LAPTM5: variants seen among roughly 807,000 people sequenced by gnomAD.
The protein encoded by LAPTM5 is lysosomal-associated transmembrane protein 5.
Under a neutral mutation model 30.1 loss-of-function variants are expected in LAPTM5, and 11 were observed. The observed-to-expected ratio is 0.37, with a 90% CI of 0.23 to 0.60. LAPTM5 has a LOEUF of 0.60. LAPTM5 is among the 20% of genes least tolerant of loss of function. The probability of loss-of-function intolerance (pLI) is 0.71; values close to 1 mark genes in which losing one functional copy is unlikely to be tolerated. For synonymous variants in LAPTM5, 151 were observed against 137.9 expected (o/e 1.10, Z -0.67); for missense variants, 324 against 332.5 (o/e 0.97, Z 0.20).
At position 30,742,608 on chromosome 1, in the gene LAPTM5, C is replaced by T. The variant is rs917097532; in HGVS notation, c.88-59G>A. On this transcript the variant is annotated intron_variant, in intron 1 of 7. Coordinates refer to ENST00000294507, the MANE Select transcript of LAPTM5 (RefSeq NM_006762.3). ...CTGCATCACGGCCCCCCGACCAGCC[C>T]CTCCCACCTTAGTGGTGTACAGCAG... The T allele has an allele frequency of 1.8e-5, 25 of 1,385,646 alleles. No homozygotes were observed. The East Asian group carries it at 5.4e-4, about 30-fold the overall frequency. 85.8% of individuals were successfully genotyped at this position (1,385,646 alleles called of 1,614,324 possible). A position where few individuals can be genotyped will look rare whatever the true frequency, so the allele number is the denominator to read the frequency against.
chr1:30,750,849 G>A (rs1027657923), intron 1 of LAPTM5, among the ~76,000 whole-genome samples: 3 of 152,232 alleles, frequency 2.0e-5, no homozygotes, highest in African/African-American at 7.2e-5. Context: ...ACTTGACCAG[G>A]GAGGAAATTG....
chr1:30,741,749 G>C, intron 2 of LAPTM5, 33 bp from the exon 3 acceptor site: 1 of 1,531,392 alleles, frequency 6.5e-7, no homozygotes, highest in Middle Eastern at 1.7e-4. Flanking sequence ...AGGTGCTCAG[G>C]GGTGCCCCTG....
chr1:30,743,796 T>TTTTG (rs386366617), intron 1 of LAPTM5, among the ~76,000 whole-genome samples: 1 of 31,830 alleles, frequency 3.1e-5, no homozygotes, highest in African/African-American at 1.8e-4. Context: ...ACTGTGTGGG[T>TTTTG]TTTTTTTTTT....
In LAPTM5 at chr1:30,732,574, C is replaced by A. The variant is rs1481003902; in HGVS notation, c.*1254G>T. ...TTGCAGAGCCTTCTCCCTCTGTACC[C>A]CCCGACAGTCCCCAGAGACCCTGCC... On this transcript the variant is annotated 3_prime_UTR_variant, in exon 8 of 8. Transcript: ENST00000294507. 2.0e-5 allele frequency: 3 copies of A among 151,816 alleles called. No individual in the cohort carries two copies. The highest frequency in any genetic ancestry group is 2.9e-5 in the Non-Finnish European group (2 of 67,942). 9.4% of individuals were successfully genotyped at this position (151,816 alleles called of 1,614,324 possible). A position where few individuals can be genotyped will look rare whatever the true frequency, so the allele number is the denominator to read the frequency against.
intron 5 of LAPTM5, among the ~76,000 whole-genome samples, chr1:30,738,431 G>A (rs1433707263): frequency 6.6e-6 from 1 of 152,144 alleles, no homozygotes. Context: ...GAGCCACCAG[G>A]AGTTCATCCT....
In LAPTM5 at chr1:30,747,524, T is replaced by C. The variant is rs560569555; in HGVS notation, c.88-4975A>G. The stretch of plus-strand genomic sequence containing the variant: ...TTTCACCTCTTCTTCTGCCCATCTT[T>C]GGTTTCAGTTCTTATTCCCGTCTGC... On this transcript the variant is annotated intron_variant, in intron 1 of 7. Coordinates refer to ENST00000294507, the MANE Select transcript of LAPTM5 (RefSeq NM_006762.3). Among the ~76,000 whole-genome samples the C allele has an allele frequency of 1.3e-4, 20 of 152,304 alleles. No homozygotes were observed. In the South Asian group the frequency reaches 4.1e-3, roughly 32 times the overall value.
intron 6 of LAPTM5, 96 bp from the exon 7 acceptor site, chr1:30,735,361 TC>T: frequency 1.0e-6 from 1 of 972,882 alleles, no homozygotes; most frequent in Non-Finnish European, 1.6e-6. Context: ...CACCACTCTC[TC>T]CAGAAGCCAG....
chr1:30,757,107 C>A (rs1171676971), intron 1 of LAPTM5, among the ~76,000 whole-genome samples: 1 of 152,250 alleles, frequency 6.6e-6, no homozygotes, highest in East Asian at 1.9e-4. Context: ...TTTGACTGAG[C>A]TGGAAGCTGA....
At chr1:30,754,712 G>A (rs1640184329) in intron 1 of LAPTM5, among the ~76,000 whole-genome samples, 1 of 152,226 alleles carries the variant, frequency 6.6e-6, no homozygotes, top group African/African-American at 2.4e-5. Context: ...TCCTGAGGAA[G>A]ATGCCCGAGC....
rs201201887 is a variant in LAPTM5 at position 30,737,688 on chromosome 1, G to A, written c.522C>T (p.Pro174=). ...FKSMNHMNYL[P]SQEDMPHNQF... ...GGTTATGAGGCATATCCTCCTGGCT[G>A]GGGAGGTAATTCTGCAACAGATTTG... The change falls in exon 6 of 8, where the codon CCC becomes CCT. Residue 174 remains proline (P), a synonymous_variant. Coordinates refer to ENST00000294507, the MANE Select transcript of LAPTM5 (RefSeq NM_006762.3). 2 of 1,611,790 alleles carry A rather than the reference G, an allele frequency of 1.2e-6. No homozygotes were observed. The highest frequency in any genetic ancestry group is 1.3e-5 in the African/African-American group (1 of 74,866).
At chr1:30,757,434 G>A (rs2124206407) in intron 1 of LAPTM5, among the ~76,000 whole-genome samples, 1 of 152,342 alleles carries the variant, frequency 6.6e-6, no homozygotes, top group South Asian at 2.1e-4. Flanking sequence ...GTGGATTCCA[G>A]CTCCCTTACT....
Position 30,739,755 on chromosome 1 carries a change from C to A in LAPTM5, c.387+54G>T. On this transcript the variant is annotated intron_variant, in intron 4 of 7. Transcript: ENST00000294507. The surrounding 1 kb of genome is among the most constrained non-coding windows in gnomAD (Gnocchi z 4.2). The stretch of plus-strand genomic sequence containing the variant: ...CCCGTGTCTGGTCCCCTCCCATCTC[C>A]CATGCCAGACCTGGGCTCTGCTGTC... 2 of 1,524,924 alleles carry A rather than the reference C, an allele frequency of 1.3e-6. No homozygotes were observed. Among genetic ancestry groups the A allele is most frequent in the Middle Eastern group, 2.0e-4 (1 of 4,992 alleles). 94.5% of individuals were successfully genotyped at this position (1,524,924 alleles called of 1,614,324 possible). A position where few individuals can be genotyped will look rare whatever the true frequency, so the allele number is the denominator to read the frequency against.
chr1:30,735,362 C>T, intron 6 of LAPTM5, 97 bp from the exon 7 acceptor site: 1 of 954,224 alleles, frequency 1.0e-6, no homozygotes, highest in Non-Finnish European at 1.7e-6. Context: ...ACCACTCTCT[C>T]CAGAAGCCAG....
chr1:30,743,500 A>G (rs1640000194), intron 1 of LAPTM5, among the ~76,000 whole-genome samples: 1 of 152,190 alleles, frequency 6.6e-6, no homozygotes, highest in Admixed American at 6.5e-5. Flanking sequence ...AACCTGTGCC[A>G]TGCAGCCTCT....
intron 1 of LAPTM5, among the ~76,000 whole-genome samples, chr1:30,755,691 C>A (rs919979970): frequency 6.6e-6 from 1 of 152,198 alleles, no homozygotes; most frequent in South Asian, 2.1e-4. Flanking sequence ...CCCACAGTCC[C>A]GGGTTTGCAG....
chr1:30,746,641 C>G lies in LAPTM5; in HGVS notation c.88-4092G>C, dbSNP rs12096207. ...CCCTCACCCACTTGCTCCCCAATTA[C>G]AGCATCTTTTCACCCACTGTCCCTT... On this transcript the variant is annotated intron_variant, in intron 1 of 7. Transcript: ENST00000294507. This position sits in a 1 kb window ranked among gnomAD's most constrained non-coding sequence, Gnocchi z 4.0. 5.5e-4 allele frequency among the ~76,000 whole-genome samples: 83 copies of G among 152,292 alleles called. No individual in the cohort carries two copies. The highest frequency in any genetic ancestry group is 1.0e-3 in the Non-Finnish European group (68 of 68,018).
chr1:30,748,535 G>T (rs142053248), intron 1 of LAPTM5, among the ~76,000 whole-genome samples: 4 of 152,286 alleles, frequency 2.6e-5, no homozygotes, highest in African/African-American at 9.6e-5. Context: ...AGTCAGATGT[G>T]TCACCATCAA....
In LAPTM5 at chr1:30,753,470, G is replaced by A. The variant is rs571561981; in HGVS notation, c.87+4189C>T. Among the ~76,000 whole-genome samples the A allele has an allele frequency of 2.0e-5, 3 of 152,268 alleles. No homozygotes were observed. The Middle Eastern group carries it at 0.01, about 518-fold the overall frequency. ...AGTTGGCAGAACCTTTTCTTAGTAC[G>A]ATGTTCTGAGACTGGCACATCATCT... is the stretch of plus-strand genomic sequence containing the variant. On this transcript the variant is annotated intron_variant, in intron 1 of 7. Coordinates refer to ENST00000294507, the MANE Select transcript of LAPTM5 (RefSeq NM_006762.3).
rs114504145 is a variant in LAPTM5, at chr1:30,755,200, T to C, written c.87+2459A>G. ...GGCATTGGTTCTCAACTGGGAGAGATTGGGCCCCATAACTAGAGACATTTT... is the reference window on the plus strand; with the variant it reads ...GGCATTGGTTCTCAACTGGGAGAGACTGGGCCCCATAACTAGAGACATTTT... On this transcript the variant is annotated intron_variant, in intron 1 of 7. Coordinates refer to ENST00000294507, the MANE Select transcript of LAPTM5 (RefSeq NM_006762.3). Among the ~76,000 whole-genome samples the C allele has an allele frequency of 6.0e-3, 913 of 151,996 alleles. 6 individuals carry two copies. The highest frequency in any genetic ancestry group is 0.016 in the African/African-American group (679 of 41,416).
Sources: allele counts gnomAD v4.1 joint callset (sites outside exome capture counted in the v4.1 genomes callset), GRCh38; gene constraint gnomAD v4.1.1; non-coding constraint Gnocchi (gnomAD v3.1); transcripts MANE v1.5; gene names NCBI Gene and HGNC (gene_info 2026-07-23, HGNC 2026-07-21).